Variants in ACSF3 observed in about 807,000 individuals in gnomAD.
ACSF3 encodes malonate--CoA ligase ACSF3, mitochondrial.
In ACSF3, 78 loss-of-function variants were observed where a neutral mutation model predicts 53.2. The ratio of observed to expected loss-of-function variants is 1.47; its 90% CI spans 1.22 to 1.77. ACSF3 has a LOEUF of 1.77. Ranked by LOEUF, ACSF3 falls within the 40% of genes most tolerant of loss-of-function variation. The pLI is 0.00. For missense variants in ACSF3, 937 were observed against 771.1 expected, an observed-to-expected ratio of 1.22 and a Z score of -2.55; for synonymous variants, 414 against 333.1, an observed-to-expected ratio of 1.24 and a Z score of -2.65.
At chr16:89,133,066 C>T in intron 7 of ACSF3, 70 bp from the exon 8 acceptor site, 1 of 1,608,324 alleles carries the variant, frequency 6.2e-7, no homozygotes, top group Non-Finnish European at 8.5e-7. Flanking sequence ...GAGCAGCCCA[C>T]AGTTTCAGAA....
chr16:89,143,423 C>A (rs907394269), intron 8 of ACSF3, among the ~76,000 whole-genome samples: 3 of 152,052 alleles, frequency 2.0e-5, no homozygotes, highest in Non-Finnish European at 4.4e-5. Flanking sequence ...CAGGGTGGAG[C>A]CAGGCCAGAA....
At chr16:89,111,784 A>T (rs1186254667) in intron 4 of ACSF3, among the ~76,000 whole-genome samples, 1 of 152,188 alleles carries the variant, frequency 6.6e-6, no homozygotes, top group African/African-American at 2.4e-5. Context: ...AGCTTCCCCA[A>T]GGTGTACATC....
At chr16:89,111,067 C>T (rs776068882) in intron 4 of ACSF3, among the ~76,000 whole-genome samples, 2 of 152,206 alleles carry the variant, frequency 1.3e-5, no homozygotes, top group Non-Finnish European at 2.9e-5. Flanking sequence ...TTGCAATTCT[C>T]CATCTTCCCC....
At chr16:89,125,936 G>T (rs950651705) in intron 7 of ACSF3, among the ~76,000 whole-genome samples, 1 of 151,802 alleles carries the variant, frequency 6.6e-6, no homozygotes, top group Non-Finnish European at 1.5e-5. Flanking sequence ...CATTTACGTA[G>T]ATCCGTGAAC....
At chr16:89,122,708 C>T (rs1906951119) in intron 7 of ACSF3, 1 of 155,468 alleles carries the variant, frequency 6.4e-6, no homozygotes, top group African/African-American at 2.4e-5. Context: ...AGGTGTCAGT[C>T]AGCTGACACT....
At chr16:89,143,501 G>A (rs554301735) in intron 8 of ACSF3, among the ~76,000 whole-genome samples, 17 of 152,100 alleles carry the variant, frequency 1.1e-4, no homozygotes, top group Non-Finnish European at 2.5e-4. Flanking sequence ...CCGTGGGGCA[G>A]GAGCAGCCTG....
rs2151479113 is a variant in ACSF3 at position 89,120,910 on chromosome 16, C to G, written c.1236C>G (p.Thr412=). ...TIHAEGDERG[T]KVTPGFEEKE... ...ACGCAGAGGGAGACGAGAGGGGGAC[C>G]AAGGTAAGCCACTCTGCTCTTGGCA... The change falls in exon 7 of 11, where the codon ACC becomes ACG. Residue 412 remains threonine (T), a synonymous_variant. Coordinates refer to ENST00000614302, the MANE Select transcript of ACSF3 (RefSeq NM_001243279.3). 3 of 1,613,532 alleles carry G rather than the reference C, an allele frequency of 1.9e-6. No individual in the cohort carries two copies. The highest frequency in any genetic ancestry group is 1.3e-5 in the African/African-American group (1 of 75,068).
chr16:89,133,873 G>C (rs561996189), intron 8 of ACSF3, among the ~76,000 whole-genome samples: 1 of 152,242 alleles, frequency 6.6e-6, no homozygotes, highest in Non-Finnish European at 1.5e-5. Flanking sequence ...CAGGAAGCCT[G>C]TGGCGGTCAG....
rs762053293 is a variant in ACSF3 at position 89,100,899 on chromosome 16, C to T, written c.218C>T (p.Ser73Phe). The change falls in exon 3 of 11, where the codon TCC becomes TTC. Residue 73 changes from serine (S) to phenylalanine (F), a missense_variant. Physicochemically the swap from Ser to Phe is radical, Grantham distance 155. Transcript: ENST00000614302. ...HGRHTYRELY[S>F]RSLRLSQEIC... ...CGCCACACGTACAGGGAGCTTTATT[C>T]CCGCAGCCTTCGCCTGTCCCAGGAG... 2.5e-5 allele frequency: 41 copies of T among 1,613,758 alleles called. No individual in the cohort carries two copies. Among genetic ancestry groups the T allele is most frequent in the Non-Finnish European group, 3.4e-5 (40 of 1,180,050 alleles).
rs1019083517 is a variant in ACSF3, at chr16:89,102,888, G to A, written c.822+129G>A. The A allele has an allele frequency of 2.5e-5, 34 of 1,333,600 alleles. 1 individual carries two copies. The highest frequency in any genetic ancestry group is 2.2e-4 in the East Asian group (9 of 40,654). 82.6% of individuals were successfully genotyped at this position (1,333,600 alleles called of 1,614,324 possible). A position where few individuals can be genotyped will look rare whatever the true frequency, so the allele number is the denominator to read the frequency against. ...GGTTGGGGTCAGGGCTCTCGGCCGC[G>A]CCCTCAGACTAGGCATCTTTTCCTG... On this transcript the variant is annotated intron_variant, in intron 4 of 10. Coordinates refer to ENST00000614302, the MANE Select transcript of ACSF3 (RefSeq NM_001243279.3).
chr16:89,097,866 C>T (rs560539145), intron 1 of ACSF3, among the ~76,000 whole-genome samples: 20 of 152,290 alleles, frequency 1.3e-4, no homozygotes, highest in African/African-American at 4.8e-4. Context: ...TCACACAGGA[C>T]GTCCAAGCAG....
chr16:89,104,382 C>A (rs993833558), intron 4 of ACSF3, among the ~76,000 whole-genome samples: 8 of 152,196 alleles, frequency 5.3e-5, no homozygotes, highest in Admixed American at 3.3e-4. Flanking sequence ...GCAGACGTCC[C>A]GGCCAGCAGA....
chr16:89,099,860 A>C (rs115148797), intron 2 of ACSF3, among the ~76,000 whole-genome samples: 1 of 151,818 alleles, frequency 6.6e-6, no homozygotes, highest in Non-Finnish European at 1.5e-5. Context: ...AAGGAAAAAA[A>C]GGTGAGAGAG....
chr16:89,155,822 A>C lies in ACSF3; in HGVS notation c.*1615A>C. ...AACTTTTGATTCCTAAAAAGCTTACATAATCATTTGCTTTATCCGATAGTA... is the reference window on the plus strand; with the variant it reads ...AACTTTTGATTCCTAAAAAGCTTACCTAATCATTTGCTTTATCCGATAGTA... On this transcript the variant is annotated 3_prime_UTR_variant, in exon 11 of 11. Coordinates refer to ENST00000614302, the MANE Select transcript of ACSF3 (RefSeq NM_001243279.3). 2.2e-6 allele frequency: 1 copy of C among 453,272 alleles called. No homozygotes were observed. Among genetic ancestry groups the C allele is most frequent in the Non-Finnish European group, 4.4e-6 (1 of 226,460 alleles). The allele number at this position is 453,272 out of a possible 1,614,324, so 28.1% of individuals were successfully genotyped here.
chr16:89,141,365 A>T, intron 8 of ACSF3: 1 of 1,229,670 alleles, frequency 8.1e-7, no homozygotes, highest in Non-Finnish European at 1.1e-6. Context: ...GCTAGAACAA[A>T]GCCTGACATG....
intron 7 of ACSF3, among the ~76,000 whole-genome samples, chr16:89,130,978 C>G (rs2151512984): frequency 6.6e-6 from 1 of 152,206 alleles, no homozygotes; most frequent in Non-Finnish European, 1.5e-5. Context: ...TGCTCCTGAA[C>G]CAATCCATGA....
chr16:89,101,839 G>A (rs1391328531), intron 3 of ACSF3, among the ~76,000 whole-genome samples: 1 of 152,214 alleles, frequency 6.6e-6, no homozygotes, highest in African/African-American at 2.4e-5. Flanking sequence ...AAGTAAAAAT[G>A]AAAACCAAAA....
At chr16:89,122,398 G>C (rs1386972528) in intron 7 of ACSF3, 1 of 451,922 alleles carries the variant, frequency 2.2e-6, no homozygotes, top group Non-Finnish European at 4.5e-6. Flanking sequence ...CTGTTGTCCT[G>C]ACATGCCTCT....
At chr16:89,143,271 G>A (rs951929554) in intron 8 of ACSF3, among the ~76,000 whole-genome samples, 1 of 152,134 alleles carries the variant, frequency 6.6e-6, no homozygotes, top group East Asian at 1.9e-4. Flanking sequence ...TAACTGTGGT[G>A]CATCCTTGGA....
Sources: gnomAD v4.1 joint callset for allele counts (sites outside exome capture counted in the v4.1 genomes callset) on GRCh38, gnomAD v4.1.1 for gene constraint, MANE v1.5 for transcripts, NCBI Gene and HGNC (gene_info 2026-07-23, HGNC 2026-07-21) for gene names.